The following ANKRD30B variants were observed in gnomAD, a reference collection of about 807,000 sequenced individuals.
ANKRD30B encodes ankyrin repeat domain 30B, also known as ankyrin repeat domain-containing protein 30B.
ANKRD30B carries 144 observed loss-of-function variants against 202.2 expected under a neutral mutation model. The observed-to-expected ratio is 0.71, with a 90% CI of 0.62 to 0.82. ANKRD30B has a LOEUF of 0.82. Among genes scored for constraint, ANKRD30B ranks in the 40% least tolerant of loss-of-function variants. ANKRD30B has a pLI of 0.00. For missense variants in ANKRD30B, 1,487 were observed against 1,669.1 expected, an observed-to-expected ratio of 0.89 and a Z score of 1.90; for synonymous variants, 508 against 561.3, an observed-to-expected ratio of 0.91 and a Z score of 1.34.
At chr18:14,838,090 G>C (rs1022826019) in intron 36 of ANKRD30B, among the ~76,000 whole-genome samples, 1 of 152,240 alleles carries the variant, frequency 6.6e-6, no homozygotes, top group African/African-American at 2.4e-5. Flanking sequence ...GTGCCAAGTA[G>C]ATAACATCTG....
chr18:14,779,960 A>G lies in ANKRD30B; in HGVS notation c.1421A>G (p.Asp474Gly). Residue 474 changes from aspartate to glycine, a missense_variant and splice_region_variant, in exon 11 of 44, where the codon GAT (aspartate) becomes GGT (glycine). This residue lies in a region of ANKRD30B where 889 missense variants were observed against 841.4 expected (regional missense o/e 1.06). Coordinates refer to ENST00000690538, the MANE Select transcript of ANKRD30B (RefSeq NM_001367607.2). ...ATGTATCTGTGATTAACATTTTTAG[A>G]TCAGATGTTCCCATCAGAATCCAAA... ...DIKTINHKIE[D>G]QMFPSESKRE... 1 of 1,595,602 alleles carries G rather than the reference A, an allele frequency of 6.3e-7. No individual in the cohort carries two copies. The highest frequency in any genetic ancestry group is 8.6e-7 in the Non-Finnish European group (1 of 1,165,374).
chr18:14,804,527 G>A (rs1163653891), intron 24 of ANKRD30B, among the ~76,000 whole-genome samples: 1 of 150,080 alleles, frequency 6.7e-6, no homozygotes, highest in Non-Finnish European at 1.5e-5. Context: ...TGCATTTTTA[G>A]TAAGTTGTCA....
At chr18:14,892,253 A>G in the ANKRD30B span, among the ~76,000 whole-genome samples, 4 of 152,008 alleles carry the variant, frequency 2.6e-5, no homozygotes, top group South Asian at 2.1e-4. Flanking sequence ...AATCTGTAAT[A>G]TTTGCTGGCT....
intron 30 of ANKRD30B, among the ~76,000 whole-genome samples, chr18:14,821,032 A>C (rs1447481917): frequency 6.6e-6 from 1 of 152,160 alleles, no homozygotes; most frequent in Non-Finnish European, 1.5e-5. Flanking sequence ...TTATTGCCAC[A>C]ATTTCAGATC....
downstream of ANKRD30B, among the ~76,000 whole-genome samples, chr18:14,856,193 G>A (rs1168225834): frequency 6.9e-6 from 1 of 145,232 alleles, no homozygotes; most frequent in Non-Finnish European, 1.5e-5. Context: ...CCCAGATGGT[G>A]TGTCATCCGT....
downstream of ANKRD30B, among the ~76,000 whole-genome samples, chr18:14,856,559 C>T (rs1453213658): frequency 3.9e-5 from 5 of 129,034 alleles, no homozygotes; most frequent in Admixed American, 7.4e-5. Flanking sequence ...AGGCGCTCCT[C>T]ACTTCCCAGA....
Position 14,791,501 on chromosome 18 carries a change from A to G in ANKRD30B, c.1825+10A>G, listed in dbSNP as rs1968505594. 3 of 1,591,868 alleles carry G rather than the reference A, an allele frequency of 1.9e-6. No individual in the cohort carries two copies. Among genetic ancestry groups the G allele is most frequent in the Admixed American group, 3.6e-5 (2 of 56,338 alleles). On this transcript the variant is annotated intron_variant, in intron 16 of 43. Coordinates refer to ENST00000690538, the MANE Select transcript of ANKRD30B (RefSeq NM_001367607.2). ...AGTGGAAAATTAGAAGGTAAGAACC[A>G]TTTTTTAATTAAAAAGTCATTTGAC...
At chr18:14,778,516 T>C (rs1483456215) in intron 10 of ANKRD30B, among the ~76,000 whole-genome samples, 2 of 152,224 alleles carry the variant, frequency 1.3e-5, no homozygotes, top group Non-Finnish European at 2.9e-5. Context: ...TTTTCACTCT[T>C]GTCTTTCTCA....
the ANKRD30B span, among the ~76,000 whole-genome samples, chr18:14,929,551 G>A: frequency 6.6e-6 from 1 of 152,148 alleles, no homozygotes; most frequent in Non-Finnish European, 1.5e-5. Context: ...AGAGATCCCA[G>A]AGGACAATGA....
At chr18:14,764,117 G>A (rs753071601) in intron 7 of ANKRD30B, 27 bp downstream of exon 7, 2 of 1,474,366 alleles carry the variant, frequency 1.4e-6, no homozygotes, top group Middle Eastern at 1.8e-4. Context: ...AACTTTGCAG[G>A]GTTTATTGGC....
chr18:14,751,896 T>C (rs1164958963), intron 1 of ANKRD30B, among the ~76,000 whole-genome samples: 1 of 152,178 alleles, frequency 6.6e-6, no homozygotes, highest in Non-Finnish European at 1.5e-5. Context: ...GTGAATTGTG[T>C]GATGCCTCTT....
chr18:14,760,430 A>G, intron 5 of ANKRD30B, 124 bp from the exon 6 acceptor site: 1 of 563,300 alleles, frequency 1.8e-6, no homozygotes, highest in East Asian at 3.3e-5. Context: ...AGTCTGTGAA[A>G]TAAGTAACAT....
chr18:14,751,931 G>GTT (rs1289574119), intron 1 of ANKRD30B, among the ~76,000 whole-genome samples: 1 of 152,086 alleles, frequency 6.6e-6, no homozygotes, highest in East Asian at 1.9e-4. Flanking sequence ...ATTAAAGATT[G>GTT]TTTAAATTTC....
chr18:14,929,496 C>A, the ANKRD30B span, among the ~76,000 whole-genome samples: 1 of 152,124 alleles, frequency 6.6e-6, no homozygotes, highest in Non-Finnish European at 1.5e-5. Flanking sequence ...TCCCACTGCT[C>A]TTTTTTGAAA....
chr18:14,782,234 T>C (rs547602329), intron 11 of ANKRD30B, among the ~76,000 whole-genome samples: 1 of 152,332 alleles, frequency 6.6e-6, no homozygotes, highest in Non-Finnish European at 1.5e-5. Context: ...TAAGATATTT[T>C]TAAGTGCGTT....
chr18:14,760,445 A>G, intron 5 of ANKRD30B, 109 bp from the exon 6 acceptor site: 2 of 604,804 alleles, frequency 3.3e-6, no homozygotes, highest in South Asian at 2.2e-5. Flanking sequence ...TAACATTCTG[A>G]TGTTAGCTCT....
At chr18:14,799,736 G>C (rs985522569) in intron 22 of ANKRD30B, among the ~76,000 whole-genome samples, 2 of 151,246 alleles carry the variant, frequency 1.3e-5, no homozygotes, top group African/African-American at 4.9e-5. Flanking sequence ...TTTCTGATTA[G>C]GTGACTGAGT....
chr18:14,909,766 T>C, the ANKRD30B span: 1 of 152,200 alleles, frequency 6.6e-6, no homozygotes, highest in Non-Finnish European at 1.5e-5. Context: ...TGCAAAGTTA[T>C]GTATATTATT....
At chr18:14,932,004 A>AGCCCCCCACCCCACCTCCCT in the ANKRD30B span, among the ~76,000 whole-genome samples, 1 of 8,002 alleles carries the variant, frequency 1.2e-4, no homozygotes, top group Non-Finnish European at 2.5e-4. Context: ...CCCACCTCCC[A>AGCCCCCCACCCCACCTCCCT]CCTCCCTCCT....
Sources: allele counts gnomAD v4.1 joint callset (sites outside exome capture counted in the v4.1 genomes callset), GRCh38; gene constraint gnomAD v4.1.1; regional missense constraint gnomAD v4.1.1; transcripts MANE v1.5; gene names NCBI Gene and HGNC (gene_info 2026-07-23, HGNC 2026-07-21).